Variants in AGTPBP1 observed in about 807,000 individuals in gnomAD.
The protein encoded by AGTPBP1 is ATP/GTP binding carboxypeptidase 1.
Under a neutral mutation model 143.9 loss-of-function variants are expected in AGTPBP1, and 70 were observed. That is an observed-to-expected ratio of 0.49 (90% CI 0.40 to 0.59). AGTPBP1 has a LOEUF of 0.59. Ranked by LOEUF, AGTPBP1 falls within the 20% of genes least tolerant of loss-of-function variation. The pLI is 0.00. For missense variants in AGTPBP1, 1,229 were observed against 1,464.5 expected (o/e 0.84, Z 2.62); for synonymous variants, 463 against 500.2 (o/e 0.93, Z 0.99).
At chr9:85,700,497 C>T (rs576120254) in intron 2 of AGTPBP1, among the ~76,000 whole-genome samples, 10 of 152,252 alleles carry the variant, frequency 6.6e-5, no homozygotes, top group African/African-American at 2.4e-4. Context: ...CACAGATTAA[C>T]CTCAAAGAAA....
intron 1 of AGTPBP1, among the ~76,000 whole-genome samples, chr9:85,732,074 T>C (rs1253241604): frequency 1.3e-5 from 2 of 152,142 alleles, no homozygotes; most frequent in Admixed American, 1.3e-4. Context: ...AAATAACTCT[T>C]CCTCCAACTC....
intron 1 of AGTPBP1, among the ~76,000 whole-genome samples, chr9:85,717,330 C>A (rs984871480): frequency 6.6e-6 from 1 of 151,962 alleles, no homozygotes; most frequent in Non-Finnish European, 1.5e-5. Flanking sequence ...ATAGCAAGAG[C>A]CCTTCTCTAA....
At chr9:85,692,964 T>C (rs945184767) in intron 2 of AGTPBP1, 151 bp from the exon 3 acceptor site, 5 of 787,846 alleles carry the variant, frequency 6.3e-6, no homozygotes, top group East Asian at 5.7e-5. Flanking sequence ...TAGCTTAATA[T>C]AGCTTAATAT....
chr9:85,749,554 G>A, the AGTPBP1 span, among the ~76,000 whole-genome samples: 4,757 of 152,192 alleles, frequency 0.031, 95 homozygotes, highest in East Asian at 0.053. Context: ...TACAACTTCT[G>A]CATAGGTTCT....
chr9:85,699,019 G>A (rs1360485554), intron 2 of AGTPBP1, among the ~76,000 whole-genome samples: 2 of 152,054 alleles, frequency 1.3e-5, no homozygotes, highest in African/African-American at 2.4e-5. Context: ...GACCAACTTT[G>A]GGAGGTTCCA....
chr9:85,716,715 C>A (rs1245395831), intron 1 of AGTPBP1, among the ~76,000 whole-genome samples: 1 of 152,152 alleles, frequency 6.6e-6, no homozygotes, highest in East Asian at 1.9e-4. Context: ...ACAGTCTATT[C>A]TCAACACAAC....
chr9:85,702,795 T>G (rs914850619), intron 2 of AGTPBP1, among the ~76,000 whole-genome samples: 10 of 152,108 alleles, frequency 6.6e-5, no homozygotes, highest in Non-Finnish European at 1.3e-4. Flanking sequence ...TAATTAGGCC[T>G]CACAATTGAA....
chr9:85,761,969 C>G, the AGTPBP1 span, among the ~76,000 whole-genome samples: 304 of 152,310 alleles, frequency 2.0e-3, 1 homozygote, highest in Non-Finnish European at 3.3e-3. Context: ...AGGATATGAA[C>G]AGAAGCTTCT....
intron 13 of AGTPBP1, among the ~76,000 whole-genome samples, chr9:85,640,719 A>G (rs1832406859): frequency 9.3e-6 from 1 of 107,806 alleles, no homozygotes; most frequent in Non-Finnish European, 1.7e-5. Flanking sequence ...GAATCTAAAC[A>G]TAGAATGCAA....
At chr9:85,668,272 A>C (rs1834252613) in intron 8 of AGTPBP1, among the ~76,000 whole-genome samples, 1 of 152,088 alleles carries the variant, frequency 6.6e-6, no homozygotes, top group South Asian at 2.1e-4. Flanking sequence ...TGATTCAAAC[A>C]AACCAACTAA....
At chr9:85,646,051 T>A (rs1339029260) in intron 12 of AGTPBP1, among the ~76,000 whole-genome samples, 1 of 152,140 alleles carries the variant, frequency 6.6e-6, no homozygotes, top group African/African-American at 2.4e-5. Flanking sequence ...TCACTTTCCT[T>A]CAATTTTGTA....
chr9:85,607,231 C>A (rs1830043397), intron 17 of AGTPBP1, among the ~76,000 whole-genome samples: 1 of 151,950 alleles, frequency 6.6e-6, no homozygotes, highest in Non-Finnish European at 1.5e-5. Flanking sequence ...GTGAAAGGTT[C>A]AAGTTAAGGT....
intron 2 of AGTPBP1, among the ~76,000 whole-genome samples, chr9:85,710,244 C>T (rs778213427): frequency 3.3e-5 from 5 of 151,942 alleles, no homozygotes; most frequent in Admixed American, 6.6e-5. Context: ...TTCTTTTCTA[C>T]TCTCACAGAT....
At chr9:85,796,711 T>C in the AGTPBP1 span, among the ~76,000 whole-genome samples, 4 of 152,210 alleles carry the variant, frequency 2.6e-5, no homozygotes, top group African/African-American at 9.7e-5. Context: ...ATGTGATTAT[T>C]ACACATTGCA....
At chr9:85,662,926 A>T (rs1368574347) in intron 8 of AGTPBP1, among the ~76,000 whole-genome samples, 3 of 152,020 alleles carry the variant, frequency 2.0e-5, no homozygotes, top group Non-Finnish European at 1.5e-5. Flanking sequence ...GATACTGGAT[A>T]TTAAGCAATG....
intron 6 of AGTPBP1, among the ~76,000 whole-genome samples, 184 bp downstream of exon 6, chr9:85,677,252 T>C (rs62569227): frequency 0.14 from 22,007 of 152,204 alleles, 1,759 homozygotes; most frequent in East Asian, 0.3. Context: ...TACCCAGATT[T>C]GATCATTACA....
At chr9:85,689,532 T>C (rs1166385814) in intron 3 of AGTPBP1, among the ~76,000 whole-genome samples, 2 of 152,158 alleles carry the variant, frequency 1.3e-5, no homozygotes, top group Non-Finnish European at 2.9e-5. Context: ...TTCTTGAACT[T>C]TGACATCACA....
At chr9:85,679,256 A>C (rs1252924375) in intron 4 of AGTPBP1, among the ~76,000 whole-genome samples, 1 of 152,200 alleles carries the variant, frequency 6.6e-6, no homozygotes, top group Non-Finnish European at 1.5e-5. Flanking sequence ...GAAAATGTTT[A>C]AACACTGTAC....
chr9:85,614,215 A>AT (rs1477540647), intron 17 of AGTPBP1, among the ~76,000 whole-genome samples: 1 of 152,068 alleles, frequency 6.6e-6, no homozygotes, highest in Non-Finnish European at 1.5e-5. Context: ...TTCAAAAACA[A>AT]TGAAAGACAC....
Sources: gnomAD v4.1 joint callset for allele counts (sites outside exome capture counted in the v4.1 genomes callset) on GRCh38, gnomAD v4.1.1 for gene constraint, MANE v1.5 for transcripts, NCBI Gene and HGNC (gene_info 2026-07-23, HGNC 2026-07-21) for gene names.